Variants in LHX8 observed in about 807,000 individuals in gnomAD.
The protein encoded by LHX8 is LIM homeobox 8.
In LHX8, 12 loss-of-function variants were observed where a neutral mutation model predicts 40.3. The observed-to-expected ratio is 0.30, with a 90% CI of 0.19 to 0.48. The LOEUF is 0.48. Ranked by LOEUF, LHX8 falls within the 20% of genes least tolerant of loss-of-function variation. The pLI is 0.99. For synonymous variants in LHX8, 179 were observed against 162.0 expected (o/e 1.10, Z -0.80); for missense variants, 344 against 433.7 (o/e 0.79, Z 1.84).
chr1:75,132,149 CGT>C (rs1425998901), upstream of LHX8, among the ~76,000 whole-genome samples: 3 of 152,114 alleles, frequency 2.0e-5, no homozygotes, highest in Non-Finnish European at 2.9e-5. Context: ...GGGTAAGAGG[CGT>C]GACGCGAGCT....
the LHX8 span, among the ~76,000 whole-genome samples, chr1:75,176,534 T>A: frequency 1.3e-5 from 2 of 152,208 alleles, no homozygotes; most frequent in Non-Finnish European, 2.9e-5. Context: ...ATTTTTTTCT[T>A]GTAAATTTGG....
chr1:75,129,693 G>A (rs764137309), upstream of LHX8, among the ~76,000 whole-genome samples: 4 of 152,158 alleles, frequency 2.6e-5, no homozygotes, highest in Non-Finnish European at 5.9e-5. Flanking sequence ...TTTGCACTTA[G>A]ATAAAGTTTA....
the LHX8 span, among the ~76,000 whole-genome samples, chr1:75,187,749 G>T: frequency 1.3e-5 from 2 of 152,106 alleles, no homozygotes; most frequent in Non-Finnish European, 2.9e-5. Context: ...CAGCATGGGA[G>T]TTTTCTTAGA....
chr1:75,133,570 C>A (rs1056162097), upstream of LHX8, among the ~76,000 whole-genome samples: 1 of 152,160 alleles, frequency 6.6e-6, no homozygotes, highest in Non-Finnish European at 1.5e-5. Context: ...AAACAAAAAT[C>A]ATTTAAAAAT....
intron 7 of LHX8, among the ~76,000 whole-genome samples, chr1:75,156,198 TTTTG>T (rs1290567236): frequency 7.4e-6 from 1 of 134,326 alleles, no homozygotes; most frequent in African/African-American, 2.8e-5. Flanking sequence ...TTTGGGGTAC[TTTTG>T]TTTGGGCTTT....
At chr1:75,128,578 G>T (rs1289998742) in exon 1 of LHX8, 1 of 152,204 alleles carries the variant, frequency 6.6e-6, no homozygotes, top group Non-Finnish European at 1.5e-5. Flanking sequence ...ATTCGCGTCG[G>T]ACGTCTGGGT....
At position 75,136,998 on chromosome 1, in the gene LHX8, CA is replaced by C. The variant is rs1161912671; in HGVS notation, c.76-101del. On this transcript the variant is annotated intron_variant, in intron 2 of 8. Coordinates refer to ENST00000356261, the MANE Select transcript of LHX8 (RefSeq NM_001256114.2). ...GAAGCTGGGGGTGGGGTGGGGTGGC[CA>C]GGGGGAAGGGAGGGGAGGCGGTGGG... 4.3e-6 allele frequency: 4 copies of C among 938,846 alleles called. 1 individual carries two copies. Among genetic ancestry groups the C allele is most frequent in the South Asian group, 6.5e-5 (2 of 30,962 alleles). 58.2% of individuals were successfully genotyped at this position (938,846 alleles called of 1,614,324 possible).
chr1:75,148,771 G>T, intron 7 of LHX8, 89 bp downstream of exon 7: 2 of 879,630 alleles, frequency 2.3e-6, no homozygotes, highest in Admixed American at 4.2e-5. Flanking sequence ...TTGAACTCTT[G>T]AGCTTAAGTG....
Position 75,148,695 on chromosome 1 carries a change from C to CTTT in LHX8, c.780+25_780+27dup. ...ACGTGTGATACAGGTGATTACTTTA[C>CTTT]TTTTTTTTTTTTTTAAGGTTTTTAA... On this transcript the variant is annotated intron_variant, in intron 7 of 8. Transcript: ENST00000356261. The CTTT allele has an allele frequency of 3.1e-5, 42 of 1,339,332 alleles. No homozygotes were observed. Among genetic ancestry groups the CTTT allele is most frequent in the Non-Finnish European group, 4.0e-5 (38 of 954,860 alleles). The allele number at this position is 1,339,332 out of a possible 1,614,324, so 83.0% of individuals were successfully genotyped here.
In LHX8 at chr1:75,160,915, CTTGA is replaced by C. The variant is rs765619746; in HGVS notation, c.*23_*26del. 12 of 1,529,110 alleles carry C rather than the reference CTTGA, an allele frequency of 7.8e-6. No homozygotes were observed. Among genetic ancestry groups the C allele is most frequent in the South Asian group, 3.4e-5 (3 of 89,380 alleles). The allele number at this position is 1,529,110 out of a possible 1,614,324, so 94.7% of individuals were successfully genotyped here. A position where few individuals can be genotyped will look rare whatever the true frequency, so the allele number is the denominator to read the frequency against. ...ACCTAATTCTTTTTTCAGGGATAGA[CTTGA>C]TTAAGGATATAAATTTGTCATTTAT... is the stretch of plus-strand genomic sequence containing the variant. On this transcript the variant is annotated 3_prime_UTR_variant, in exon 9 of 9. Transcript: ENST00000356261.
the LHX8 span, among the ~76,000 whole-genome samples, chr1:75,193,989 C>T: frequency 6.6e-6 from 1 of 152,298 alleles, no homozygotes; most frequent in African/African-American, 2.4e-5. Context: ...GACCCCTCTC[C>T]CATCAGACCA....
At position 75,148,619 on chromosome 1, in the gene LHX8, C is replaced by T. The variant is rs1209668255; in HGVS notation, c.717C>T (p.Asn239=). The change falls in exon 7 of 9, where the codon AAC becomes AAT. Residue 239 remains asparagine, a synonymous_variant. Transcript: ENST00000356261. The stretch of plus-strand genomic sequence containing the variant: ...AAGCACAATTTGCTCAGGACAACAA[C>T]CCAGATGCACAGACACTCCAGAAAT... The part of the protein sequence containing the change: ...VMQAQFAQDN[N]PDAQTLQKLA... The T allele has an allele frequency of 1.2e-6, 2 of 1,613,764 alleles. No homozygotes were observed. The highest frequency in any genetic ancestry group is 2.2e-5 in the South Asian group (2 of 91,058).
At chr1:75,197,753 CT>C in the LHX8 span, among the ~76,000 whole-genome samples, 1 of 152,114 alleles carries the variant, frequency 6.6e-6, no homozygotes, top group African/African-American at 2.4e-5. Flanking sequence ...GATTTGAAGC[CT>C]GCAGTTTTCA....
chr1:75,156,082 G>T (rs1466177814), intron 7 of LHX8, among the ~76,000 whole-genome samples: 1 of 151,542 alleles, frequency 6.6e-6, no homozygotes, highest in African/African-American at 2.4e-5. Flanking sequence ...AAACCAAGGA[G>T]ATTTCTCTGG....
chr1:75,140,644 T>A (rs1009285757), intron 3 of LHX8, among the ~76,000 whole-genome samples: 1 of 152,152 alleles, frequency 6.6e-6, no homozygotes, highest in African/African-American at 2.4e-5. Flanking sequence ...AAAACCTGTA[T>A]GTAGGACTTT....
intron 7 of LHX8, among the ~76,000 whole-genome samples, chr1:75,151,224 C>T (rs1488079882): frequency 6.6e-6 from 1 of 152,200 alleles, no homozygotes; most frequent in Non-Finnish European, 1.5e-5. Context: ...TGCAGCTTCT[C>T]TAAAGACCTA....
chr1:75,178,305 G>T, the LHX8 span, among the ~76,000 whole-genome samples: 2 of 151,914 alleles, frequency 1.3e-5, no homozygotes, highest in African/African-American at 4.8e-5. Flanking sequence ...TCTGGTCCTG[G>T]ACTTTTTTTG....
At chr1:75,186,112 C>T in the LHX8 span, among the ~76,000 whole-genome samples, 1 of 152,184 alleles carries the variant, frequency 6.6e-6, no homozygotes, top group Admixed American at 6.5e-5. Context: ...AATGGCTGTA[C>T]TGCCCAAAGC....
At chr1:75,131,502 T>A (rs1478777633), upstream of LHX8, 2 of 152,542 alleles carry the variant, frequency 1.3e-5, no homozygotes, top group African/African-American at 4.8e-5. Context: ...GCGCCTGCAG[T>A]GCGAGCTGAG....
Sources: gnomAD v4.1 joint callset for allele counts (sites outside exome capture counted in the v4.1 genomes callset) on GRCh38, gnomAD v4.1.1 for gene constraint, MANE v1.5 for transcripts, NCBI Gene and HGNC (gene_info 2026-07-23, HGNC 2026-07-21) for gene names.